UGT2B7: variants seen among roughly 807,000 people sequenced by gnomAD.
UGT2B7 encodes UDP glucuronosyltransferase family 2 member B7.
UGT2B7 carries 51 observed loss-of-function variants against 51.9 expected under a neutral mutation model. The ratio of observed to expected loss-of-function variants is 0.98; its 90% CI spans 0.78 to 1.24. The LOEUF (loss-of-function observed/expected upper bound fraction) is 1.24. Ranked by LOEUF, UGT2B7 falls within the 50% of genes most tolerant of loss-of-function variation. The pLI, the probability that UGT2B7 is intolerant of heterozygous loss-of-function variation, is 0.00. For missense variants in UGT2B7, 727 were observed against 628.4 expected (o/e 1.16, Z -1.68); for synonymous variants, 225 against 211.6 (o/e 1.06, Z -0.55).
chr4:69,077,780 T>C (rs981351456), intron 1 of UGT2B7, among the ~76,000 whole-genome samples: 1 of 152,168 alleles, frequency 6.6e-6, no homozygotes, highest in Non-Finnish European at 1.5e-5. Context: ...TTCTTTATCT[T>C]GCCAGATTTC....
chr4:69,061,652 T>C (rs1275039023), intron 1 of UGT2B7, among the ~76,000 whole-genome samples: 1 of 152,178 alleles, frequency 6.6e-6, no homozygotes, highest in Non-Finnish European at 1.5e-5. Context: ...TCCAAGGAAC[T>C]CACATGAGAA....
intron 1 of UGT2B7, among the ~76,000 whole-genome samples, chr4:69,052,010 G>T (rs770814139): frequency 5.3e-5 from 8 of 152,090 alleles, no homozygotes; most frequent in Non-Finnish European, 7.4e-5. Context: ...TGGATCAGGT[G>T]CAAAGTAAGC....
chr4:69,064,106 GAAAGAA>G (rs143785188), intron 1 of UGT2B7, among the ~76,000 whole-genome samples: 11,434 of 117,372 alleles, frequency 0.097, 1,029 homozygotes, highest in East Asian at 0.19. Context: ...GAGAAAGAAA[GAAAGAA>G]AAAGAAAGAA....
At chr4:69,070,215 T>G (rs1718570440) in intron 1 of UGT2B7, among the ~76,000 whole-genome samples, 1 of 147,448 alleles carries the variant, frequency 6.8e-6, no homozygotes, top group South Asian at 2.1e-4. Context: ...AACCTCTTCT[T>G]TTATATATAT....
intron 1 of UGT2B7, among the ~76,000 whole-genome samples, chr4:69,057,775 T>C (rs962903773): frequency 6.6e-6 from 1 of 152,200 alleles, no homozygotes; most frequent in Non-Finnish European, 1.5e-5. Flanking sequence ...TAAAGAACTT[T>C]AAGAAAGGCT....
At chr4:69,079,526 T>A (rs1024348992) in intron 1 of UGT2B7, among the ~76,000 whole-genome samples, 2 of 152,182 alleles carry the variant, frequency 1.3e-5, no homozygotes, top group African/African-American at 4.8e-5. Context: ...TTTCACAACA[T>A]AGCATATTGT....
intron 1 of UGT2B7, among the ~76,000 whole-genome samples, chr4:69,076,309 T>C (rs7442394): frequency 0.43 from 65,222 of 152,042 alleles, 15,539 homozygotes; most frequent in African/African-American, 0.64. Context: ...GCAATGGGAA[T>C]GCTGAGTCAA....
At chr4:69,094,338 C>T (rs1560507497), upstream of UGT2B7, among the ~76,000 whole-genome samples, 6 of 48,234 alleles carry the variant, frequency 1.2e-4, 3 homozygotes, top group South Asian at 2.9e-3. Context: ...TTAGTAGAGA[C>T]GGGGTTTCAC....
chr4:69,098,512 C>T (rs1444880553), intron 1 of UGT2B7, 28 bp from the exon 2 acceptor site: 1 of 1,529,458 alleles, frequency 6.5e-7, no homozygotes, highest in South Asian at 1.2e-5. Context: ...CTTGTGTCAT[C>T]CACCTTTTTT....
chr4:69,069,217 A>T (rs1718545407), intron 1 of UGT2B7, among the ~76,000 whole-genome samples: 1 of 151,998 alleles, frequency 6.6e-6, no homozygotes, highest in Admixed American at 6.6e-5. Context: ...ACTCTTGGTC[A>T]GCGCCAACTT....
intron 1 of UGT2B7, among the ~76,000 whole-genome samples, chr4:69,055,136 C>T: frequency 7.4e-6 from 1 of 135,572 alleles, no homozygotes; most frequent in Non-Finnish European, 1.6e-5. Context: ...AGAAAGGTCC[C>T]CAAAAACGTA....
chr4:69,111,213 G>C (rs1719761497), intron 5 of UGT2B7, among the ~76,000 whole-genome samples: 1 of 152,142 alleles, frequency 6.6e-6, no homozygotes, highest in African/African-American at 2.4e-5. Flanking sequence ...AAAGTGTTAG[G>C]AAAAGAGTTT....
At chr4:69,069,600 G>A (rs1237956493) in intron 1 of UGT2B7, 1 of 151,476 alleles carries the variant, frequency 6.6e-6, no homozygotes, top group African/African-American at 2.4e-5. Flanking sequence ...ATCTTTTCTG[G>A]TTCATTATAT....
At chr4:69,090,157 A>G (rs1017836915) in intron 2 of UGT2B7, among the ~76,000 whole-genome samples, 11 of 152,174 alleles carry the variant, frequency 7.2e-5, no homozygotes, top group African/African-American at 2.7e-4. Flanking sequence ...TAGTCAGTTA[A>G]TTTTAACTTT....
intron 4 of UGT2B7, among the ~76,000 whole-genome samples, chr4:69,107,774 TCA>T (rs1719647436): frequency 6.6e-6 from 1 of 152,044 alleles, no homozygotes; most frequent in South Asian, 2.1e-4. Flanking sequence ...ACCCCATATA[TCA>T]CACTCTGTGA....
intron 1 of UGT2B7, among the ~76,000 whole-genome samples, chr4:69,084,238 T>C (rs181446136): frequency 2.5e-4 from 38 of 152,190 alleles, no homozygotes; most frequent in Non-Finnish European, 4.7e-4. Flanking sequence ...TTCCTCATCA[T>C]GTATAATCTT....
intron 3 of UGT2B7, among the ~76,000 whole-genome samples, chr4:69,104,004 A>G (rs1254202296): frequency 6.6e-6 from 1 of 152,184 alleles, no homozygotes; most frequent in African/African-American, 2.4e-5. Context: ...AGTGTAAACT[A>G]TAGGCCAGGC....
chr4:69,068,643 G>A (rs4694597), intron 1 of UGT2B7, among the ~76,000 whole-genome samples: 64,789 of 151,292 alleles, frequency 0.43, 15,375 homozygotes, highest in African/African-American at 0.64. Flanking sequence ...GGTTATTTGT[G>A]TTATGTAACC....
chr4:69,078,088 CA>C (rs1329681283), intron 1 of UGT2B7, among the ~76,000 whole-genome samples: 1 of 151,454 alleles, frequency 6.6e-6, no homozygotes, highest in Non-Finnish European at 1.5e-5. Context: ...CTTTTTATGT[CA>C]TGGATTCCTT....
Sources: gnomAD v4.1 joint callset for allele counts (sites outside exome capture counted in the v4.1 genomes callset) on GRCh38, gnomAD v4.1.1 for gene constraint, MANE v1.5 for transcripts, NCBI Gene and HGNC (gene_info 2026-07-23, HGNC 2026-07-21) for gene names.